The following ATXN1 variants were observed in gnomAD, a reference collection of about 807,000 sequenced individuals.
The protein encoded by ATXN1 is ataxin-1.
Under a neutral mutation model 56.4 loss-of-function variants are expected in ATXN1, and 8 were observed. That is an observed-to-expected ratio of 0.14 (90% CI 0.08 to 0.26). The LOEUF is 0.26. ATXN1 is among the 10% of genes least tolerant of loss of function. The pLI is 1.00. For missense variants in ATXN1, 987 were observed against 1,106.5 expected (o/e 0.89, Z 1.53); for synonymous variants, 514 against 494.6 (o/e 1.04, Z -0.52).
intron 6 of ATXN1, among the ~76,000 whole-genome samples, chr6:16,338,968 T>G (rs545830402): frequency 6.6e-6 from 1 of 152,310 alleles, no homozygotes; most frequent in South Asian, 2.1e-4. Context: ...GCTCAGACGC[T>G]AAACTCAAGG....
intron 6 of ATXN1, among the ~76,000 whole-genome samples, chr6:16,338,862 T>C (rs1761182620): frequency 6.6e-6 from 1 of 152,026 alleles, no homozygotes; most frequent in African/African-American, 2.4e-5. Flanking sequence ...CTTCACTTGA[T>C]AGGTGGGATA....
At chr6:16,527,035 A>T (rs1761409656) in intron 4 of ATXN1, among the ~76,000 whole-genome samples, 1 of 152,098 alleles carries the variant, frequency 6.6e-6, no homozygotes, top group African/African-American at 2.4e-5. Flanking sequence ...AAAAAAAAAA[A>T]AAATCAGGAC....
intron 4 of ATXN1, among the ~76,000 whole-genome samples, chr6:16,525,940 C>T (rs1014121422): frequency 2.0e-4 from 30 of 150,918 alleles, no homozygotes; most frequent in Non-Finnish European, 3.0e-4. Context: ...CCACAGAAGT[C>T]CCACTAATAA....
At chr6:16,565,083 T>C (rs1762192353) in intron 4 of ATXN1, among the ~76,000 whole-genome samples, 1 of 152,212 alleles carries the variant, frequency 6.6e-6, no homozygotes. Context: ...CTTCTTTAAA[T>C]CTTAGCTCCT....
chr6:16,423,265 C>T (rs372349764), intron 6 of ATXN1, among the ~76,000 whole-genome samples: 58 of 152,288 alleles, frequency 3.8e-4, no homozygotes, highest in Middle Eastern at 6.8e-3. Context: ...CCTTCTACTA[C>T]GCAAGGTCTC....
At chr6:16,610,588 T>TA (rs1763087027) in intron 3 of ATXN1, among the ~76,000 whole-genome samples, 1 of 151,854 alleles carries the variant, frequency 6.6e-6, no homozygotes. Flanking sequence ...AGTTAAAAAA[T>TA]AAAAAAGGCA....
chr6:16,433,702 A>G (rs1291608076), intron 6 of ATXN1, among the ~76,000 whole-genome samples: 1 of 152,236 alleles, frequency 6.6e-6, no homozygotes, highest in Admixed American at 6.5e-5. Context: ...CAGCATGATG[A>G]AACAGGTGCA....
intron 6 of ATXN1, among the ~76,000 whole-genome samples, chr6:16,402,716 T>C (rs922998962): frequency 6.6e-6 from 1 of 152,140 alleles, no homozygotes; most frequent in African/African-American, 2.4e-5. Context: ...TCACTGACAT[T>C]AACCAGGAGC....
intron 3 of ATXN1, among the ~76,000 whole-genome samples, chr6:16,617,704 T>C (rs1432373216): frequency 1.4e-5 from 2 of 144,000 alleles, no homozygotes; most frequent in South Asian, 2.1e-4. Flanking sequence ...GAGGCGGAGC[T>C]TGCAGTGAGC....
At chr6:16,526,064 T>TATATATATAC (rs370698828) in intron 4 of ATXN1, among the ~76,000 whole-genome samples, 74 of 133,306 alleles carry the variant, frequency 5.6e-4, no homozygotes, top group African/African-American at 2.2e-3. Flanking sequence ...TATATATATA[T>TATATATATAC]ACATACATAC....
At chr6:16,473,136 G>C (rs1304215364) in intron 6 of ATXN1, among the ~76,000 whole-genome samples, 1 of 152,132 alleles carries the variant, frequency 6.6e-6, no homozygotes, top group Non-Finnish European at 1.5e-5. Context: ...AAAAAAATTA[G>C]AAAACTTGGC....
chr6:16,556,816 G>A (rs1762022109), intron 4 of ATXN1, among the ~76,000 whole-genome samples: 2 of 151,990 alleles, frequency 1.3e-5, no homozygotes, highest in African/African-American at 4.8e-5. Flanking sequence ...AATTATAACA[G>A]GCAGAAAAAT....
Position 16,410,403 on chromosome 6 carries a change from C to A in ATXN1, c.-161+75569G>T, listed in dbSNP as rs1758772748. On this transcript the variant is annotated intron_variant, in intron 6 of 7. Transcript: ENST00000436367. The surrounding 1 kb of genome is among the most constrained non-coding windows in gnomAD (Gnocchi z 4.6). ...AACAGTGAAGACTAAATCTGACTTACAAAGGTGAGGAGCAGGGAGTACATT... is the reference window on the plus strand; with the variant it reads ...AACAGTGAAGACTAAATCTGACTTAAAAAGGTGAGGAGCAGGGAGTACATT... 6.6e-6 allele frequency among the ~76,000 whole-genome samples: 1 copy of A among 152,178 alleles called. No homozygotes were observed. Among genetic ancestry groups the A allele is most frequent in the African/African-American group, 2.4e-5 (1 of 41,434 alleles).
rs144326428 is a variant in ATXN1, at chr6:16,459,933, C to A, written c.-161+26039G>T. ...TAAATCGAAGGCCCAGCTCTGCCTA[C>A]AACAAGTCAAATATCTAAGCCTAAT... is the stretch of plus-strand genomic sequence containing the variant. On this transcript the variant is annotated intron_variant, in intron 6 of 7. Coordinates refer to ENST00000436367, the MANE Select transcript of ATXN1 (RefSeq NM_001128164.2). Among the ~76,000 whole-genome samples, 1,287 of 152,272 alleles carry A rather than the reference C, an allele frequency of 8.5e-3. 5 individuals carry two copies. Among genetic ancestry groups the A allele is most frequent in the Non-Finnish European group, 0.014 (984 of 68,010 alleles).
chr6:16,728,481 G>T (rs1364566382), intron 2 of ATXN1, among the ~76,000 whole-genome samples: 1 of 152,096 alleles, frequency 6.6e-6, no homozygotes, highest in African/African-American at 2.4e-5. Flanking sequence ...CAGAAACCAG[G>T]TTCTGCCCAC....
At chr6:16,523,163 A>C (rs1401546057) in intron 4 of ATXN1, among the ~76,000 whole-genome samples, 6 of 151,916 alleles carry the variant, frequency 3.9e-5, no homozygotes, top group Admixed American at 1.3e-4. Flanking sequence ...CAGCCTCCCA[A>C]AGTGTTGGGA....
chr6:16,371,223 A>G (rs947522701), intron 6 of ATXN1, among the ~76,000 whole-genome samples: 4 of 152,164 alleles, frequency 2.6e-5, no homozygotes, highest in African/African-American at 4.8e-5. Context: ...CTACACACAA[A>G]TATTTTGTTA....
At chr6:16,565,804 C>T (rs535563823) in intron 4 of ATXN1, among the ~76,000 whole-genome samples, 3 of 152,212 alleles carry the variant, frequency 2.0e-5, no homozygotes, top group African/African-American at 7.2e-5. Context: ...CCTGAAGACA[C>T]AGAACAAATG....
intron 3 of ATXN1, among the ~76,000 whole-genome samples, chr6:16,608,783 G>A (rs76793969): frequency 1.3e-5 from 2 of 152,326 alleles, no homozygotes; most frequent in African/African-American, 4.8e-5. Flanking sequence ...TACAAAAGCT[G>A]TGTGTCTGAC....
Sources: allele counts gnomAD v4.1 joint callset (sites outside exome capture counted in the v4.1 genomes callset), GRCh38; gene constraint gnomAD v4.1.1; non-coding constraint Gnocchi (gnomAD v3.1); transcripts MANE v1.5; gene names NCBI Gene and HGNC (gene_info 2026-07-23, HGNC 2026-07-21).